NRAP: variants seen among roughly 807,000 people sequenced by gnomAD.
NRAP encodes the protein nebulin-related-anchoring protein.
In NRAP, 189 loss-of-function variants were observed where a neutral mutation model predicts 225.9. That is an observed-to-expected ratio of 0.84 (90% CI 0.74 to 0.94). NRAP has a LOEUF of 0.94. Among genes scored for constraint, NRAP ranks in the 40% least tolerant of loss-of-function variants. The pLI is 0.00. For synonymous variants in NRAP, 769 were observed against 790.7 expected, an observed-to-expected ratio of 0.97 and a Z score of 0.46; for missense variants, 2,176 against 2,168.7, an observed-to-expected ratio of 1.00 and a Z score of -0.07.
At chr10:113,608,646 T>C (rs1236086205) in intron 31 of NRAP, 134 bp from the exon 32 acceptor site, 4 of 636,426 alleles carry the variant, frequency 6.3e-6, no homozygotes, top group South Asian at 2.0e-5. Context: ...AGAATCCAGA[T>C]TGTCACCTGC....
chr10:113,640,908 ACC>A (rs1849164575), intron 13 of NRAP, among the ~76,000 whole-genome samples: 1 of 146,660 alleles, frequency 6.8e-6, no homozygotes, highest in African/African-American at 2.5e-5. Context: ...TTATCCCACT[ACC>A]CTGACCAGTG....
At chr10:113,651,536 C>A (rs1849968110) in intron 7 of NRAP, among the ~76,000 whole-genome samples, 1 of 152,146 alleles carries the variant, frequency 6.6e-6, no homozygotes, top group South Asian at 2.1e-4. Context: ...GTTCCCCTCC[C>A]TGTGTCCATG....
chr10:113,604,177 C>A (rs146229438), intron 35 of NRAP, among the ~76,000 whole-genome samples: 5 of 152,056 alleles, frequency 3.3e-5, no homozygotes, highest in Non-Finnish European at 7.3e-5. Flanking sequence ...AGTGCAGTGG[C>A]GCGATCTCAG....
At chr10:113,607,208 C>A (rs1210078995) in intron 32 of NRAP, among the ~76,000 whole-genome samples, 1 of 144,814 alleles carries the variant, frequency 6.9e-6, no homozygotes, top group African/African-American at 2.5e-5. Context: ...CTCAAACAAA[C>A]AAACAAACAA....
intron 1 of NRAP, 88 bp from the exon 2 acceptor site, chr10:113,663,534 T>C: frequency 1.2e-6 from 1 of 847,842 alleles, no homozygotes; most frequent in Non-Finnish European, 1.9e-6. Context: ...AAAATGAACT[T>C]CGAGGATAAA....
chr10:113,606,089 G>T, intron 33 of NRAP, 89 bp downstream of exon 33: 2 of 1,001,298 alleles, frequency 2.0e-6, no homozygotes, highest in Non-Finnish European at 1.6e-6. Context: ...CTTCTGTGAA[G>T]GCCAGAAAGG....
chr10:113,632,274 A>T (rs1041186742), intron 16 of NRAP, among the ~76,000 whole-genome samples: 1 of 152,232 alleles, frequency 6.6e-6, no homozygotes, highest in Non-Finnish European at 1.5e-5. Context: ...CAAAGAGTGT[A>T]TCATATTCTC....
intron 4 of NRAP, among the ~76,000 whole-genome samples, 183 bp downstream of exon 4, chr10:113,657,287 G>A (rs1019053893): frequency 6.6e-6 from 1 of 152,148 alleles, no homozygotes; most frequent in African/African-American, 2.4e-5. Context: ...CCTGGTCTGG[G>A]GAAGATAGAG....
At chr10:113,638,376 T>A (rs1849002746) in intron 14 of NRAP, among the ~76,000 whole-genome samples, 1 of 152,210 alleles carries the variant, frequency 6.6e-6, no homozygotes, top group Non-Finnish European at 1.5e-5. Flanking sequence ...TTTAATTCTA[T>A]TAGTGTTTAT....
Position 113,604,829 on chromosome 10 carries a change from C to G in NRAP, c.4007G>C (p.Arg1336Pro). The change falls in exon 35 of 42, where the codon CGC (arginine) becomes CCC (proline). Residue 1336 changes from arginine to proline, a missense_variant. Physicochemically the swap from Arg to Pro is moderately radical, Grantham distance 103 (BLOSUM62 -2). Around this residue, in one of 3 missense-constraint regions of NRAP, gnomAD observed 1,708 missense variants for 1,695.5 expected, o/e 1.01. Coordinates refer to ENST00000359988, the MANE Select transcript of NRAP (RefSeq NM_198060.4). Reference sequence around the variant, plus strand: ...AAGCTCGCTCTGCAGCTGGCCCATGCGCCGGCAGTGCTGGATCCGGGGGTC... The same window carrying G: ...AAGCTCGCTCTGCAGCTGGCCCATGGGCCGGCAGTGCTGGATCCGGGGGTC... ...RDDPRIQHCR[R>P]MGQLQSELQY... 6.2e-7 allele frequency: 1 copy of G among 1,614,172 alleles called. No individual in the cohort carries two copies. Among genetic ancestry groups the G allele is most frequent in the African/African-American group, 1.3e-5 (1 of 75,056 alleles).
At chr10:113,647,119 A>T (rs1849564032) in intron 9 of NRAP, 92 bp from the exon 10 acceptor site, 3 of 816,662 alleles carry the variant, frequency 3.7e-6, no homozygotes, top group Non-Finnish European at 6.5e-6. Context: ...CTATTCTCAC[A>T]GAGGTTCATC....
chr10:113,645,792 T>C (rs200969319), intron 11 of NRAP, 33 bp downstream of exon 11: 13 of 1,071,650 alleles, frequency 1.2e-5, no homozygotes, highest in Admixed American at 2.0e-5. Flanking sequence ...AAAGAGGTGA[T>C]GCTCATGGGT....
chr10:113,605,119 C>T (rs759109834), intron 34 of NRAP, among the ~76,000 whole-genome samples, 199 bp from the exon 35 acceptor site: 2 of 152,280 alleles, frequency 1.3e-5, no homozygotes, highest in South Asian at 2.1e-4. Flanking sequence ...AAATCAGATC[C>T]TCAGAACTAA....
At chr10:113,622,524 G>T (rs1050620547) in intron 23 of NRAP, among the ~76,000 whole-genome samples, 3 of 152,168 alleles carry the variant, frequency 2.0e-5, no homozygotes, top group African/African-American at 7.2e-5. Flanking sequence ...ATATTTGGGG[G>T]AGTATGAGGG....
chr10:113,656,464 C>T (rs537416158), intron 4 of NRAP, among the ~76,000 whole-genome samples: 1 of 152,074 alleles, frequency 6.6e-6, no homozygotes, highest in Non-Finnish European at 1.5e-5. Flanking sequence ...CTGAGGCTGT[C>T]GTGGGTGTGT....
chr10:113,625,980 T>G lies in NRAP; in HGVS notation c.2244+67A>C, dbSNP rs1208297739. On this transcript the variant is annotated intron_variant, in intron 21 of 41. Transcript: ENST00000359988. ...ATTGTGCCTGGGCGGCACCTGCTGT[T>G]GTCCCTGGAGGTCCCCCAGGCCCAT... 5.5e-6 allele frequency: 6 copies of G among 1,096,068 alleles called. No individual in the cohort carries two copies. The African/African-American group carries it at 9.5e-5, about 17-fold the overall frequency. 67.9% of individuals were successfully genotyped at this position (1,096,068 alleles called of 1,614,324 possible). A position where few individuals can be genotyped will look rare whatever the true frequency, so the allele number is the denominator to read the frequency against.
chr10:113,604,996 A>G (rs1846865115), intron 34 of NRAP, 76 bp from the exon 35 acceptor site: 7 of 1,503,594 alleles, frequency 4.7e-6, no homozygotes, highest in Non-Finnish European at 5.4e-6. Context: ...ACTTGTTCTT[A>G]CACTAGGAGG....
intron 14 of NRAP, among the ~76,000 whole-genome samples, chr10:113,638,340 T>C (rs1849000674): frequency 6.6e-6 from 1 of 152,340 alleles, no homozygotes; most frequent in South Asian, 2.1e-4. Context: ...GGTTTTTTTT[T>C]CTTTTTGCTA....
In NRAP at chr10:113,592,273, G is replaced by T. The variant is rs769992758; in HGVS notation, c.4565C>A (p.Thr1522Asn). The change falls in exon 39 of 42, where the codon ACC becomes AAC. Residue 1522 changes from threonine (T) to asparagine (N), a missense_variant. Around this residue, in one of 3 missense-constraint regions of NRAP, gnomAD observed 445 missense variants for 426.1 expected, o/e 1.04. Coordinates refer to ENST00000359988, the MANE Select transcript of NRAP (RefSeq NM_198060.4). ...DKVYRNSWEQ[T>N]RAGSYDFRLD... The stretch of plus-strand genomic sequence containing the variant: ...CCTGAAGTCATAACTGCCAGCCCGG[G>T]TCTGCTCCCAGGAGTTTCTGTAGAC... 3.1e-6 allele frequency: 5 copies of T among 1,612,832 alleles called. No homozygotes were observed. In the South Asian group the frequency reaches 3.3e-5, roughly 11 times the overall value.
Sources: allele counts gnomAD v4.1 joint callset (sites outside exome capture counted in the v4.1 genomes callset), GRCh38; gene constraint gnomAD v4.1.1; regional missense constraint gnomAD v4.1.1; transcripts MANE v1.5; gene names NCBI Gene and HGNC (gene_info 2026-07-23, HGNC 2026-07-21).